Variants in INPP5D observed in about 807,000 individuals in gnomAD.
INPP5D encodes phosphatidylinositol 3,4,5-trisphosphate 5-phosphatase 1.
In INPP5D, 33 loss-of-function variants were observed where a neutral mutation model predicts 122.9. The observed-to-expected ratio is 0.27, with a 90% CI of 0.20 to 0.36. The LOEUF is 0.36. Ranked by LOEUF, INPP5D falls within the 10% of genes least tolerant of loss-of-function variation. The probability of loss-of-function intolerance (pLI) is 1.00; values close to 1 mark genes in which losing one functional copy is unlikely to be tolerated. For synonymous variants in INPP5D, 584 were observed against 576.2 expected (o/e 1.01, Z -0.19); for missense variants, 1,053 against 1,412.7 (o/e 0.75, Z 4.08).
chr2:233,164,304 C>T lies in INPP5D; in HGVS notation c.1438-3C>T. The T allele has an allele frequency of 1.3e-6, 2 of 1,548,272 alleles. No homozygotes were observed. Among genetic ancestry groups the T allele is most frequent in the Non-Finnish European group, 1.7e-6 (2 of 1,145,218 alleles). On this transcript the variant is annotated splice_polypyrimidine_tract_variant and splice_region_variant and intron_variant, in intron 12 of 26. Transcript: ENST00000445964. This position sits in a 1 kb window ranked among gnomAD's most constrained non-coding sequence, Gnocchi z 4.3. ...GAGTATTGCAACGTTGTCCTCCCAC[C>T]AGGTCGCCATCCACACGCTCTGGAA... is the stretch of plus-strand genomic sequence containing the variant.
intron 9 of INPP5D, among the ~76,000 whole-genome samples, chr2:233,150,899 G>T (rs1002105159): frequency 3.3e-5 from 5 of 152,162 alleles, no homozygotes; most frequent in Admixed American, 6.5e-5. Flanking sequence ...CAAGCATGAG[G>T]CAGGGGAGGG....
At chr2:233,157,284 A>C (rs1163113126) in intron 9 of INPP5D, among the ~76,000 whole-genome samples, 2 of 152,196 alleles carry the variant, frequency 1.3e-5, no homozygotes, top group Non-Finnish European at 2.9e-5. Context: ...TAAGGCCCCA[A>C]GGTAAAGGCT....
intron 4 of INPP5D, among the ~76,000 whole-genome samples, chr2:233,127,199 C>T (rs777993334): frequency 4.6e-5 from 7 of 152,148 alleles, no homozygotes; most frequent in African/African-American, 7.2e-5. Context: ...GGGTTAGGGT[C>T]GGGGCATGGG....
chr2:233,165,714 C>T (rs1008115499), intron 13 of INPP5D, among the ~76,000 whole-genome samples: 1 of 151,912 alleles, frequency 6.6e-6, no homozygotes, highest in Admixed American at 6.6e-5. Context: ...ATGAGTGTAC[C>T]ACCCCATATC....
chr2:233,178,981 AT>A (rs1221753348), intron 18 of INPP5D, among the ~76,000 whole-genome samples: 1 of 152,174 alleles, frequency 6.6e-6, no homozygotes, highest in Non-Finnish European at 1.5e-5. Flanking sequence ...ACTGACTTCC[AT>A]TCCAGTGCCT....
intron 8 of INPP5D, among the ~76,000 whole-genome samples, chr2:233,146,923 C>T (rs765114213): frequency 4.6e-5 from 7 of 152,116 alleles, no homozygotes; most frequent in Non-Finnish European, 2.9e-5. Flanking sequence ...TTCAGGAATC[C>T]AGTGTGAGAC....
chr2:233,126,044 C>T, intron 4 of INPP5D, 125 bp downstream of exon 4: 1 of 931,392 alleles, frequency 1.1e-6, no homozygotes, highest in Non-Finnish European at 1.6e-6. Context: ...GGGAGGTCTC[C>T]AGAGAAGAGT....
intron 22 of INPP5D, among the ~76,000 whole-genome samples, chr2:233,193,427 A>G (rs751370598): frequency 7.2e-5 from 11 of 152,052 alleles, no homozygotes; most frequent in Non-Finnish European, 1.5e-4. Context: ...ACTGTTCCCA[A>G]TCCGTTTCCT....
At chr2:233,115,068 T>C (rs993970665) in intron 2 of INPP5D, among the ~76,000 whole-genome samples, 1 of 152,148 alleles carries the variant, frequency 6.6e-6, no homozygotes, top group South Asian at 2.1e-4. Context: ...GGTTTCACCA[T>C]GTTGGCCAGG....
At chr2:233,203,895 C>T (rs1432364796) in intron 25 of INPP5D, among the ~76,000 whole-genome samples, 2 of 152,148 alleles carry the variant, frequency 1.3e-5, no homozygotes, top group African/African-American at 4.8e-5. Context: ...AGCAGTGAGC[C>T]ATGACCGCAC....
chr2:233,169,560 T>C, intron 14 of INPP5D, 159 bp downstream of exon 14: 1 of 1,132,064 alleles, frequency 8.8e-7, no homozygotes, highest in Non-Finnish European at 1.2e-6. Context: ...CAAAGGCAAC[T>C]GCAGCACCAT....
rs1290699453 is a variant in INPP5D, at chr2:233,065,564, TTTCTTTCTTTCTTTCC to T, written c.134+4968_134+4983del. 1.1e-4 allele frequency among the ~76,000 whole-genome samples: 3 copies of T among 28,110 alleles called. 1 individual carries two copies. The highest frequency in any genetic ancestry group is 2.3e-4 in the Non-Finnish European group (3 of 12,836). The allele number at this position is 28,110 out of a possible 152,430, so 18.4% of individuals were successfully genotyped here. A position where few individuals can be genotyped will look rare whatever the true frequency, so the allele number is the denominator to read the frequency against. On this transcript the variant is annotated intron_variant, in intron 1 of 26. Coordinates refer to ENST00000445964, the MANE Select transcript of INPP5D (RefSeq NM_001017915.3). ...GGCATGAACCACTGCACCCAGCCTTTTTCTTTCTTTCTTTCCTTCTTTCTTTCTTTCTTTCTTTCTT... is the reference window on the plus strand; with the variant it reads ...GGCATGAACCACTGCACCCAGCCTTTTTCTTTCTTTCTTTCTTTCTTTCTT...
intron 2 of INPP5D, among the ~76,000 whole-genome samples, chr2:233,099,618 T>C (rs77209705): frequency 1.1e-4 from 16 of 152,334 alleles, no homozygotes; most frequent in African/African-American, 3.8e-4. Context: ...GGCCCCTATG[T>C]TGGATTTAGT....
At chr2:233,196,210 C>T (rs1695179768) in intron 24 of INPP5D, among the ~76,000 whole-genome samples, 1 of 152,206 alleles carries the variant, frequency 6.6e-6, no homozygotes. Context: ...ACCCAGGACA[C>T]AGGAGAAAGA....
chr2:233,110,933 A>AC (rs1344558182), intron 2 of INPP5D, among the ~76,000 whole-genome samples: 3 of 122,018 alleles, frequency 2.5e-5, no homozygotes, highest in African/African-American at 1.3e-4. Context: ...TCTTAAAAAA[A>AC]AAACAACAAA....
At chr2:233,151,058 A>G (rs1693911606) in intron 9 of INPP5D, among the ~76,000 whole-genome samples, 1 of 152,176 alleles carries the variant, frequency 6.6e-6, no homozygotes, top group African/African-American at 2.4e-5. Context: ...TAGAATGCCC[A>G]AGTAAGGATT....
Position 233,177,838 on chromosome 2 carries a change from G to A in INPP5D, c.2071+492G>A, listed in dbSNP as rs1409187205. 1.3e-5 allele frequency among the ~76,000 whole-genome samples: 2 copies of A among 152,128 alleles called. No individual in the cohort carries two copies. The highest frequency in any genetic ancestry group is 4.8e-5 in the African/African-American group (2 of 41,420). Reference sequence around the variant, plus strand: ...GGTCAGCCCACCTCGGCCTCCCAAAGTGCTGAGATTACAGGCATGAGCCAC... The same window carrying A: ...GGTCAGCCCACCTCGGCCTCCCAAAATGCTGAGATTACAGGCATGAGCCAC... On this transcript the variant is annotated intron_variant, in intron 18 of 26. Transcript: ENST00000445964. This position sits in a 1 kb window ranked among gnomAD's most constrained non-coding sequence, Gnocchi z 4.2.
intron 2 of INPP5D, among the ~76,000 whole-genome samples, chr2:233,096,705 T>C (rs1171304550): frequency 2.0e-5 from 3 of 152,200 alleles, no homozygotes; most frequent in African/African-American, 7.2e-5. Context: ...TTTGTGTTTC[T>C]TTTCCTGTCA....
intron 2 of INPP5D, among the ~76,000 whole-genome samples, chr2:233,098,427 C>T (rs990200548): frequency 1.3e-5 from 2 of 152,184 alleles, no homozygotes; most frequent in African/African-American, 2.4e-5. Context: ...GTGCTGGAGG[C>T]GTGGTCAGGG....
Sources: gnomAD v4.1 joint callset for allele counts (sites outside exome capture counted in the v4.1 genomes callset) on GRCh38, gnomAD v4.1.1 for gene constraint, Gnocchi (gnomAD v3.1) non-coding constraint, MANE v1.5 for transcripts, NCBI Gene and HGNC (gene_info 2026-07-23, HGNC 2026-07-21) for gene names.